Variants in IL33 observed in about 807,000 individuals in gnomAD.
IL33 encodes interleukin-33.
Under a neutral mutation model 27.3 loss-of-function variants are expected in IL33, and 37 were observed. The ratio of observed to expected loss-of-function variants is 1.36; its 90% CI spans 1.04 to 1.78. IL33 has a LOEUF of 1.78. Ranked by LOEUF, IL33 falls within the 40% of genes most tolerant of loss-of-function variation. The probability of loss-of-function intolerance (pLI) is 0.00; values close to 1 mark genes in which losing one functional copy is unlikely to be tolerated. For synonymous variants in IL33, 132 were observed against 102.9 expected, an observed-to-expected ratio of 1.28 and a Z score of -1.71; for missense variants, 406 against 311.4, an observed-to-expected ratio of 1.30 and a Z score of -2.29.
In IL33 at chr9:6,253,570, A is replaced by C. The variant is rs1158220652; in HGVS notation, c.488A>C (p.Tyr163Ser). ...DEKKDKVLLS[Y>S]YESQHPSNES... ...CTTTCAGATAAGGTGTTACTGAGTT[A>C]CTATGAGTCTCAACACCCCTCAAAT... Residue 163 changes from tyrosine (Y) to serine (S), a missense_variant, in exon 6 of 8, where the codon TAC becomes TCC. By Grantham distance (144) the Tyr-to-Ser change is moderately radical. Coordinates refer to ENST00000682010, the MANE Select transcript of IL33 (RefSeq NM_033439.4). 3 of 1,609,348 alleles carry C rather than the reference A, an allele frequency of 1.9e-6. No homozygotes were observed. The highest frequency in any genetic ancestry group is 2.5e-6 in the Non-Finnish European group (3 of 1,177,004).
intron 1 of IL33, among the ~76,000 whole-genome samples, chr9:6,220,140 C>CT (rs931619001): frequency 3.9e-5 from 6 of 151,976 alleles, no homozygotes; most frequent in Admixed American, 2.6e-4. Flanking sequence ...TCTTCTGTAA[C>CT]TTTTTTTTGC....
chr9:6,223,735 T>G (rs1011836414), intron 1 of IL33, among the ~76,000 whole-genome samples: 2 of 152,200 alleles, frequency 1.3e-5, no homozygotes, highest in African/African-American at 4.8e-5. Context: ...CTTGATATAC[T>G]TTTAGCTGCA....
At chr9:6,253,964 T>C (rs535897876) in intron 6 of IL33, among the ~76,000 whole-genome samples, 9 of 152,310 alleles carry the variant, frequency 5.9e-5, no homozygotes, top group African/African-American at 2.2e-4. Context: ...CTTGGGAGCA[T>C]GACAATGCCT....
At chr9:6,215,642 C>T (rs911559784), upstream of IL33, 1 of 152,172 alleles carries the variant, frequency 6.6e-6, no homozygotes, top group African/African-American at 2.4e-5. Flanking sequence ...AGGGAGGACG[C>T]AGAAAGTAGT....
At chr9:6,248,376 C>A (rs1308949792) in intron 2 of IL33, among the ~76,000 whole-genome samples, 1 of 150,950 alleles carries the variant, frequency 6.6e-6, no homozygotes, top group South Asian at 2.1e-4. Context: ...GAGAACTCCA[C>A]CATCATAAAC....
chr9:6,243,304 C>T (rs941314022), intron 2 of IL33, among the ~76,000 whole-genome samples: 1 of 152,182 alleles, frequency 6.6e-6, no homozygotes, highest in Non-Finnish European at 1.5e-5. Flanking sequence ...GGCTGTATAA[C>T]TCTTTGATCC....
rs773663561 is a variant in IL33 at position 6,252,920 on chromosome 9, C to CAAG, written c.398_399insAAG (p.Ser133dup). On this transcript the variant is annotated inframe_insertion, in exon 5 of 8. Coordinates refer to ENST00000682010, the MANE Select transcript of IL33 (RefSeq NM_033439.4). ...TCTCTAAGCACATACAATGATCAAT[C>CAAG]CATTACTTTTGCTTTGGAGGATGAA... 6.2e-7 allele frequency: 1 copy of CAAG among 1,603,466 alleles called. No homozygotes were observed. Among genetic ancestry groups the CAAG allele is most frequent in the South Asian group, 1.1e-5 (1 of 90,148 alleles).
chr9:6,235,935 C>A (rs570518711), intron 1 of IL33, among the ~76,000 whole-genome samples: 31 of 151,826 alleles, frequency 2.0e-4, no homozygotes, highest in African/African-American at 7.0e-4. Flanking sequence ...TCCAGCAATT[C>A]CACTACTAGG....
chr9:6,250,681 T>C (rs1014144120), intron 3 of IL33, 82 bp downstream of exon 3: 1 of 1,484,162 alleles, frequency 6.7e-7, no homozygotes, highest in Admixed American at 2.2e-5. Context: ...TGCAATTATT[T>C]TTCCTCACTC....
intron 1 of IL33, among the ~76,000 whole-genome samples, chr9:6,236,729 G>C (rs148800689): frequency 3.9e-5 from 6 of 152,232 alleles, no homozygotes; most frequent in Admixed American, 6.5e-5. Flanking sequence ...AATTGGCCAG[G>C]TGTGGTGGCA....
At chr9:6,254,427 C>G in intron 6 of IL33, 35 bp from the exon 7 acceptor site, 1 of 1,379,984 alleles carries the variant, frequency 7.2e-7, no homozygotes, top group Non-Finnish European at 9.9e-7. Flanking sequence ...AGTTACAGTT[C>G]TTAACTTTAT....
At chr9:6,246,212 G>A (rs1819842876) in intron 2 of IL33, among the ~76,000 whole-genome samples, 1 of 151,988 alleles carries the variant, frequency 6.6e-6, no homozygotes, top group African/African-American at 2.4e-5. Context: ...GACTGCCATG[G>A]TTTGAATGTC....
chr9:6,255,394 A>G (rs1816665947), intron 7 of IL33, among the ~76,000 whole-genome samples: 1 of 152,118 alleles, frequency 6.6e-6, no homozygotes, highest in South Asian at 2.1e-4. Flanking sequence ...CTACTCAATA[A>G]TAGAGCTACT....
intron 1 of IL33, among the ~76,000 whole-genome samples, chr9:6,223,450 T>C (rs972640854): frequency 1.3e-5 from 2 of 151,990 alleles, no homozygotes; most frequent in African/African-American, 2.4e-5. Context: ...AGATTTTCAG[T>C]TTATTTTTTC....
chr9:6,251,368 T>C (rs2130428637), intron 4 of IL33, 103 bp downstream of exon 4: 1 of 1,530,208 alleles, frequency 6.5e-7, no homozygotes. Flanking sequence ...GTGTCTTTAA[T>C]GTGTACCAGA....
intron 2 of IL33, among the ~76,000 whole-genome samples, chr9:6,244,186 C>G (rs553408744): frequency 1.0e-3 from 152 of 152,228 alleles, no homozygotes; most frequent in African/African-American, 3.4e-3. Flanking sequence ...TTTAAGGGAA[C>G]AGTGGCCCTA....
At chr9:6,240,665 T>C (rs1000312600) in intron 1 of IL33, among the ~76,000 whole-genome samples, 4 of 152,176 alleles carry the variant, frequency 2.6e-5, no homozygotes, top group African/African-American at 9.6e-5. Flanking sequence ...AGTTAATAAG[T>C]AGTGAGTGAA....
At chr9:6,249,016 C>A (rs1233763326) in intron 2 of IL33, among the ~76,000 whole-genome samples, 1 of 152,142 alleles carries the variant, frequency 6.6e-6, no homozygotes, top group Non-Finnish European at 1.5e-5. Flanking sequence ...GGCTCTGGCA[C>A]TAGTTTTCTT....
At chr9:6,250,418 T>C in intron 2 of IL33, 56 bp from the exon 3 acceptor site, 2 of 1,585,718 alleles carry the variant, frequency 1.3e-6, no homozygotes, top group Middle Eastern at 1.7e-4. Context: ...TCAGGATTTG[T>C]AGAAGGATAA....
Sources: gnomAD v4.1 joint callset for allele counts (sites outside exome capture counted in the v4.1 genomes callset) on GRCh38, gnomAD v4.1.1 for gene constraint, MANE v1.5 for transcripts, NCBI Gene and HGNC (gene_info 2026-07-23, HGNC 2026-07-21) for gene names.